The following SYT14 variants were observed in gnomAD, a reference collection of about 807,000 sequenced individuals.
SYT14 encodes the protein synaptotagmin-14.
In SYT14, 32 loss-of-function variants were observed where a neutral mutation model predicts 74.2. The observed-to-expected ratio is 0.43, with a 90% CI of 0.33 to 0.58. SYT14 has a LOEUF of 0.58. SYT14 is among the 20% of genes least tolerant of loss of function. The probability of loss-of-function intolerance (pLI) is 0.05; values close to 1 mark genes in which losing one functional copy is unlikely to be tolerated. For synonymous variants in SYT14, 298 were observed against 337.7 expected, an observed-to-expected ratio of 0.88 and a Z score of 1.29; for missense variants, 791 against 981.8, an observed-to-expected ratio of 0.81 and a Z score of 2.60.
At chr1:209,994,470 C>A (rs1448293289) in intron 2 of SYT14, among the ~76,000 whole-genome samples, 1 of 151,986 alleles carries the variant, frequency 6.6e-6, no homozygotes, top group Non-Finnish European at 1.5e-5. Context: ...CTGAAAAAAA[C>A]CTCTGAGAAA....
intron 2 of SYT14, among the ~76,000 whole-genome samples, chr1:209,979,474 A>G (rs1052261227): frequency 1.3e-5 from 2 of 151,866 alleles, no homozygotes; most frequent in African/African-American, 4.8e-5. Flanking sequence ...TTAGGGGTAC[A>G]TTTGCAGGAT....
chr1:209,964,686 C>T (rs770001070), intron 2 of SYT14, among the ~76,000 whole-genome samples: 23 of 152,086 alleles, frequency 1.5e-4, no homozygotes, highest in Non-Finnish European at 3.2e-4. Context: ...TCACACAGAG[C>T]ACACTTCCTC....
At chr1:210,048,001 G>A (rs963744248) in intron 5 of SYT14, among the ~76,000 whole-genome samples, 2 of 152,076 alleles carry the variant, frequency 1.3e-5, no homozygotes, top group African/African-American at 4.8e-5. Context: ...CCACTAGATT[G>A]CTCCATTTTG....
At chr1:210,111,907 G>A (rs531750697) in intron 7 of SYT14, among the ~76,000 whole-genome samples, 15 of 151,262 alleles carry the variant, frequency 9.9e-5, no homozygotes, top group African/African-American at 3.4e-4. Context: ...GAGGCTGTGA[G>A]GTGAGGTGTG....
chr1:210,104,287 T>G (rs1406511393), intron 7 of SYT14, among the ~76,000 whole-genome samples: 1 of 152,224 alleles, frequency 6.6e-6, no homozygotes, highest in East Asian at 1.9e-4. Context: ...TAGTATGGTT[T>G]GTAGACTTCA....
intron 2 of SYT14, among the ~76,000 whole-genome samples, chr1:209,964,938 G>A (rs1445828936): frequency 2.0e-5 from 3 of 152,188 alleles, no homozygotes; most frequent in Admixed American, 1.3e-4. Context: ...CACTCTGAGG[G>A]TCAAGTTCCC....
Position 209,950,996 on chromosome 1 carries a change from CTT to C in SYT14, c.-533-1712_-533-1711del, listed in dbSNP as rs548440969. ...GTAGTAACTAATAGAGAAAATTACT[CTT>C]ATAATAAATTAGAATATTCAAAGTA... is the stretch of plus-strand genomic sequence containing the variant. On this transcript the variant is annotated intron_variant, in intron 1 of 9. Coordinates refer to ENST00000637265, the Ensembl canonical transcript of SYT14. Among the ~76,000 whole-genome samples, 28 of 152,198 alleles carry C rather than the reference CTT, an allele frequency of 1.8e-4. No individual in the cohort carries two copies. In the South Asian group the frequency reaches 3.3e-3, roughly 18 times the overall value.
intron 1 of SYT14, among the ~76,000 whole-genome samples, chr1:209,940,367 CT>C (rs35220448): frequency 2.4e-3 from 348 of 144,496 alleles, no homozygotes; most frequent in East Asian, 7.6e-3. Context: ...TTCAGTAGAC[CT>C]TTTTTTTTTT....
chr1:210,050,024 C>T (rs1270158300), intron 5 of SYT14, among the ~76,000 whole-genome samples: 1 of 152,180 alleles, frequency 6.6e-6, no homozygotes, highest in African/African-American at 2.4e-5. Flanking sequence ...CCTCATTACT[C>T]ATGCAAATTT....
chr1:209,954,091 G>A (rs79935015), intron 2 of SYT14, among the ~76,000 whole-genome samples: 2,434 of 152,218 alleles, frequency 0.016, 79 homozygotes, highest in African/African-American at 0.055. Flanking sequence ...AATTTGCTGG[G>A]ATAGCCAAAG....
At chr1:210,067,537 A>G (rs980153544) in intron 5 of SYT14, among the ~76,000 whole-genome samples, 3 of 151,984 alleles carry the variant, frequency 2.0e-5, no homozygotes, top group Admixed American at 2.0e-4. Context: ...TCATATTACT[A>G]TATTCTGAGA....
intron 2 of SYT14, among the ~76,000 whole-genome samples, chr1:209,978,843 T>C (rs2079422394): frequency 6.6e-6 from 1 of 152,254 alleles, no homozygotes. Flanking sequence ...TGAGCTGTGC[T>C]GGGCTCCACC....
chr1:209,967,139 C>T (rs1399956034), intron 2 of SYT14, among the ~76,000 whole-genome samples: 6 of 151,984 alleles, frequency 3.9e-5, no homozygotes, highest in Non-Finnish European at 8.8e-5. Flanking sequence ...CATGTTAAAC[C>T]AACCTTACAT....
At chr1:209,986,717 G>A (rs1449412937) in intron 2 of SYT14, among the ~76,000 whole-genome samples, 2 of 151,972 alleles carry the variant, frequency 1.3e-5, no homozygotes, top group Non-Finnish European at 2.9e-5. Flanking sequence ...TCTGCCTCCC[G>A]GGTTCAAGCA....
chr1:210,107,087 C>G (rs531511034), intron 7 of SYT14, among the ~76,000 whole-genome samples: 1 of 152,322 alleles, frequency 6.6e-6, no homozygotes, highest in African/African-American at 2.4e-5. Context: ...GTCATTAAAC[C>G]TTAAAATTCC....
intron 8 of SYT14, among the ~76,000 whole-genome samples, chr1:210,156,187 G>T (rs1165604302): frequency 6.6e-6 from 1 of 152,106 alleles, no homozygotes. Flanking sequence ...GCCAGAAAAG[G>T]TTACAGGGCC....
chr1:210,026,324 T>C (rs1042357966), intron 5 of SYT14, among the ~76,000 whole-genome samples: 1 of 152,142 alleles, frequency 6.6e-6, no homozygotes. Flanking sequence ...GACCAACCTC[T>C]GAAATTTCAC....
chr1:210,118,073 A>G (rs112691875), intron 7 of SYT14, among the ~76,000 whole-genome samples: 272 of 152,314 alleles, frequency 1.8e-3, no homozygotes, highest in African/African-American at 5.6e-3. Flanking sequence ...TTATTTCTTC[A>G]TGATACCAAC....
intron 2 of SYT14, among the ~76,000 whole-genome samples, chr1:209,963,545 G>C (rs1054086874): frequency 6.6e-6 from 1 of 151,970 alleles, no homozygotes; most frequent in South Asian, 2.1e-4. Flanking sequence ...TGTATGGCTG[G>C]GATCTTTTGA....
Sources: allele counts gnomAD v4.1 joint callset (sites outside exome capture counted in the v4.1 genomes callset), GRCh38; gene constraint gnomAD v4.1.1; transcripts MANE v1.5; gene names NCBI Gene and HGNC (gene_info 2026-07-23, HGNC 2026-07-21).